ZFPM2: variants seen among roughly 807,000 people sequenced by gnomAD.
ZFPM2 encodes zinc finger protein, FOG family member 2, also known as zinc finger protein ZFPM2.
In ZFPM2, 20 loss-of-function variants were observed where a neutral mutation model predicts 98.6. That is an observed-to-expected ratio of 0.20 (90% CI 0.14 to 0.29). The LOEUF is 0.29. ZFPM2 is among the 10% of genes least tolerant of loss of function. The probability of loss-of-function intolerance (pLI) is 1.00; values close to 1 mark genes in which losing one functional copy is unlikely to be tolerated. For missense variants in ZFPM2, 1,310 were observed against 1,388.6 expected (o/e 0.94, Z 0.90); for synonymous variants, 518 against 502.7 (o/e 1.03, Z -0.41).
At chr8:105,324,840 G>T (rs1812086585) in intron 1 of ZFPM2, among the ~76,000 whole-genome samples, 1 of 151,808 alleles carries the variant, frequency 6.6e-6, no homozygotes, top group South Asian at 2.1e-4. Context: ...TTTAAATAAA[G>T]TGATACCATT....
At chr8:105,416,669 C>G (rs1811685425) in intron 1 of ZFPM2, among the ~76,000 whole-genome samples, 1 of 151,580 alleles carries the variant, frequency 6.6e-6, no homozygotes. Flanking sequence ...CTATTAAAAG[C>G]TACTTTACAT....
chr8:105,573,982 C>T (rs147049476), intron 4 of ZFPM2, among the ~76,000 whole-genome samples: 48 of 152,224 alleles, frequency 3.2e-4, no homozygotes, highest in East Asian at 2.5e-3. Context: ...TAAAATTATA[C>T]GCATTTAGTC....
intron 5 of ZFPM2, among the ~76,000 whole-genome samples, chr8:105,733,486 A>G (rs1811993438): frequency 6.6e-6 from 1 of 151,874 alleles, no homozygotes; most frequent in Non-Finnish European, 1.5e-5. Context: ...TATAACCTGG[A>G]ATTTGTGTTT....
At position 105,787,488 on chromosome 8, in the gene ZFPM2, G is replaced by T. The variant is rs564781060; in HGVS notation, c.533-1230G>T. On this transcript the variant is annotated intron_variant, in intron 5 of 7. Transcript: ENST00000407775. ...CAGCTGGCTTAATTAATTGCCCAAC[G>T]TTTCTCTAAAACAATGTTCTGATTC... 2.6e-5 allele frequency: 4 copies of T among 152,120 alleles called. No homozygotes were observed. The East Asian group carries it at 7.7e-4, about 29-fold the overall frequency. 9.4% of individuals were successfully genotyped at this position (152,120 alleles called of 1,614,324 possible). A position where few individuals can be genotyped will look rare whatever the true frequency, so the allele number is the denominator to read the frequency against.
rs5893750 is a variant in ZFPM2 at position 105,577,775 on chromosome 8, C to CA, written c.420+16308dup. ...AAAGTGGCAAATATGGTGAGGAAACCAAAAAAAAAAAAAAGTGAGAAATGA... is the reference window on the plus strand; with the variant it reads ...AAAGTGGCAAATATGGTGAGGAAACCAAAAAAAAAAAAAAAGTGAGAAATGA... On this transcript the variant is annotated intron_variant, in intron 4 of 7. Coordinates refer to ENST00000407775, the MANE Select transcript of ZFPM2 (RefSeq NM_012082.4). Among the ~76,000 whole-genome samples the CA allele has an allele frequency of 8.9e-3, 991 of 111,242 alleles. 7 individuals are homozygous for CA. Among genetic ancestry groups the CA allele is most frequent in the African/African-American group, 0.027 (764 of 28,790 alleles). 73.0% of individuals were successfully genotyped at this position (111,242 alleles called of 152,430 possible). A position where few individuals can be genotyped will look rare whatever the true frequency, so the allele number is the denominator to read the frequency against.
At chr8:105,768,976 T>A (rs1812921619) in intron 5 of ZFPM2, among the ~76,000 whole-genome samples, 2 of 151,824 alleles carry the variant, frequency 1.3e-5, no homozygotes, top group Admixed American at 6.6e-5. Context: ...TACAATCTCA[T>A]GAGAAACATT....
chr8:105,587,722 T>C (rs1388549272), intron 4 of ZFPM2, among the ~76,000 whole-genome samples: 1 of 152,206 alleles, frequency 6.6e-6, no homozygotes, highest in East Asian at 1.9e-4. Flanking sequence ...AGGTTAGTTA[T>C]ATGGAATAAA....
intron 5 of ZFPM2, among the ~76,000 whole-genome samples, chr8:105,708,275 T>C (rs568946252): frequency 6.6e-6 from 1 of 152,326 alleles, no homozygotes; most frequent in South Asian, 2.1e-4. Flanking sequence ...AAAAATTAAA[T>C]ATTAACTGGT....
intron 3 of ZFPM2, among the ~76,000 whole-genome samples, chr8:105,519,573 AG>A (rs1168320027): frequency 6.6e-6 from 1 of 152,108 alleles, no homozygotes; most frequent in Non-Finnish European, 1.5e-5. Flanking sequence ...GTTTGCCTCT[AG>A]TGTGTGTTAC....
At chr8:105,535,212 A>G (rs1814424723) in intron 3 of ZFPM2, among the ~76,000 whole-genome samples, 1 of 152,196 alleles carries the variant, frequency 6.6e-6, no homozygotes, top group African/African-American at 2.4e-5. Context: ...TTCATAAAGG[A>G]AAGACTGTCT....
At chr8:105,457,296 T>C (rs1051429156) in intron 3 of ZFPM2, among the ~76,000 whole-genome samples, 7 of 152,210 alleles carry the variant, frequency 4.6e-5, no homozygotes, top group African/African-American at 1.7e-4. Flanking sequence ...AGCTTGCAAC[T>C]TATTCACTCA....
intron 1 of ZFPM2, among the ~76,000 whole-genome samples, chr8:105,349,062 G>A (rs1005527170): frequency 6.6e-6 from 1 of 152,164 alleles, no homozygotes; most frequent in Non-Finnish European, 1.5e-5. Context: ...TGATAAATGA[G>A]CCCAAGGAGC....
At chr8:105,558,330 A>C (rs1203158302) in intron 3 of ZFPM2, among the ~76,000 whole-genome samples, 7 of 152,190 alleles carry the variant, frequency 4.6e-5, no homozygotes, top group Admixed American at 4.6e-4. Flanking sequence ...TCAGCATAAG[A>C]AAGGATTTTC....
intron 5 of ZFPM2, among the ~76,000 whole-genome samples, chr8:105,651,511 A>G (rs1392049838): frequency 6.6e-6 from 1 of 150,770 alleles, no homozygotes; most frequent in African/African-American, 2.4e-5. Context: ...GCTTATATCT[A>G]CCCTTGGACA....
At chr8:105,430,412 A>G (rs889628828) in intron 2 of ZFPM2, among the ~76,000 whole-genome samples, 10 of 152,202 alleles carry the variant, frequency 6.6e-5, no homozygotes, top group African/African-American at 2.4e-4. Context: ...AGATTCACAA[A>G]AAGAGTTTGT....
chr8:105,493,744 T>C (rs1182476935), intron 3 of ZFPM2, among the ~76,000 whole-genome samples: 4 of 152,188 alleles, frequency 2.6e-5, no homozygotes, highest in Admixed American at 6.5e-5. Flanking sequence ...AGTTAATCTG[T>C]CCACTGACAT....
chr8:105,801,451 C>G lies in ZFPM2; in HGVS notation c.1369C>G (p.Gln457Glu). The change falls in exon 8 of 8, where the codon CAG (glutamine) becomes GAG (glutamate). Residue 457 changes from glutamine to glutamate, a missense_variant. Transcript: ENST00000407775. ...LFLTNQRPEI[Q>E]PTTNKQSFSY... ...TCTCACGAACCAGAGACCAGAGATA[C>G]AGCCTACAACAAATAAACAAAGCTT... The G allele has an allele frequency of 6.2e-7, 1 of 1,613,904 alleles. No individual in the cohort carries two copies.
chr8:105,330,635 T>TATATATAC, intron 1 of ZFPM2, among the ~76,000 whole-genome samples: 1 of 91,934 alleles, frequency 1.1e-5, no homozygotes, highest in African/African-American at 4.5e-5. Flanking sequence ...TATATATACA[T>TATATATAC]ATATATATAT....
At chr8:105,470,753 A>C (rs1812887502) in intron 3 of ZFPM2, among the ~76,000 whole-genome samples, 2 of 152,074 alleles carry the variant, frequency 1.3e-5, no homozygotes, top group Admixed American at 1.3e-4. Flanking sequence ...ACTCCAGCCT[A>C]GGTGAAAGAG....
Sources: gnomAD v4.1 joint callset for allele counts (sites outside exome capture counted in the v4.1 genomes callset) on GRCh38, gnomAD v4.1.1 for gene constraint, MANE v1.5 for transcripts, NCBI Gene and HGNC (gene_info 2026-07-23, HGNC 2026-07-21) for gene names.